Variants in NUDCD1 observed in about 807,000 individuals in gnomAD.
NUDCD1 encodes the protein nudC domain-containing protein 1.
A neutral mutation model predicts 67.8 loss-of-function variants in NUDCD1; 60 were observed. The observed-to-expected ratio is 0.88, with a 90% confidence interval of 0.72 to 1.10. NUDCD1 has a LOEUF of 1.10. Among genes scored for constraint, NUDCD1 ranks in the 50% least tolerant of loss-of-function variants. The pLI is 0.00. For missense variants in NUDCD1, 643 were observed against 695.0 expected, an observed-to-expected ratio of 0.93 and a Z score of 0.84; for synonymous variants, 244 against 230.8, an observed-to-expected ratio of 1.06 and a Z score of -0.52.
chr8:109,295,288 C>T (rs1260940994), intron 3 of NUDCD1, among the ~76,000 whole-genome samples: 2 of 152,122 alleles, frequency 1.3e-5, no homozygotes, highest in African/African-American at 4.8e-5. Flanking sequence ...ACTCATATCT[C>T]TCCTGCGCAT....
chr8:109,333,372 A>G (rs1815860899), intron 1 of NUDCD1, among the ~76,000 whole-genome samples: 2 of 152,194 alleles, frequency 1.3e-5, no homozygotes, highest in South Asian at 2.1e-4. Context: ...TATCTTCTAG[A>G]GATGTTCTCT....
intron 7 of NUDCD1, among the ~76,000 whole-genome samples, chr8:109,271,743 A>C (rs948558542): frequency 1.3e-5 from 2 of 152,170 alleles, no homozygotes; most frequent in African/African-American, 4.8e-5. Context: ...ATTATAATTA[A>C]ATTTCTGAAA....
intron 1 of NUDCD1, among the ~76,000 whole-genome samples, chr8:109,325,078 A>G (rs1815644409): frequency 6.6e-6 from 1 of 152,120 alleles, no homozygotes; most frequent in Non-Finnish European, 1.5e-5. Flanking sequence ...ACAGAGTGAG[A>G]CTTCATCTCA....
intron 1 of NUDCD1, among the ~76,000 whole-genome samples, chr8:109,324,802 C>T (rs763546695): frequency 6.6e-6 from 1 of 152,116 alleles, no homozygotes; most frequent in African/African-American, 2.4e-5. Context: ...AAACCAGGCA[C>T]AAGGCCGGGC....
At chr8:109,247,888 G>A (rs138412216) in intron 8 of NUDCD1, among the ~76,000 whole-genome samples, 14 of 151,796 alleles carry the variant, frequency 9.2e-5, no homozygotes, top group African/African-American at 1.4e-4. Context: ...GATGAATAAC[G>A]TCCCCCAAAG....
At chr8:109,324,026 G>A (rs890942401) in intron 1 of NUDCD1, among the ~76,000 whole-genome samples, 3 of 151,834 alleles carry the variant, frequency 2.0e-5, no homozygotes, top group African/African-American at 7.3e-5. Context: ...AAAAGCATAG[G>A]CAAGAAAAAC....
chr8:109,285,966 A>C (rs1476579504), intron 5 of NUDCD1, among the ~76,000 whole-genome samples: 4 of 152,136 alleles, frequency 2.6e-5, no homozygotes, highest in Non-Finnish European at 5.9e-5. Context: ...ATACAAAATC[A>C]ATGTATGAAA....
intron 5 of NUDCD1, among the ~76,000 whole-genome samples, chr8:109,288,104 C>T (rs1447100590): frequency 6.6e-6 from 1 of 152,092 alleles, no homozygotes; most frequent in African/African-American, 2.4e-5. Context: ...CCAAACTACC[C>T]ATAATTTTTA....
At chr8:109,333,085 C>G (rs1563689408) in intron 1 of NUDCD1, among the ~76,000 whole-genome samples, 1 of 152,308 alleles carries the variant, frequency 6.6e-6, no homozygotes, top group East Asian at 1.9e-4. Flanking sequence ...AAAACAGGTA[C>G]TCGGTAAATA....
chr8:109,271,859 T>G (rs1164725301), intron 7 of NUDCD1, among the ~76,000 whole-genome samples: 1 of 152,078 alleles, frequency 6.6e-6, no homozygotes, highest in Non-Finnish European at 1.5e-5. Flanking sequence ...AGAAACTATG[T>G]AGGCCGGAAT....
At chr8:109,307,550 A>C (rs997287456) in intron 2 of NUDCD1, among the ~76,000 whole-genome samples, 2 of 152,188 alleles carry the variant, frequency 1.3e-5, no homozygotes, top group African/African-American at 2.4e-5. Context: ...AGCATAAATC[A>C]CACAGGACCT....
chr8:109,293,294 T>C (rs538851930), intron 4 of NUDCD1, 50 bp downstream of exon 4: 7 of 984,902 alleles, frequency 7.1e-6, no homozygotes, highest in Non-Finnish European at 1.0e-5. Flanking sequence ...TGTTTCAAAA[T>C]CTACTAAATA....
intron 5 of NUDCD1, among the ~76,000 whole-genome samples, chr8:109,282,078 G>C (rs890956906): frequency 6.6e-6 from 1 of 152,162 alleles, no homozygotes; most frequent in African/African-American, 2.4e-5. Context: ...TGGGCATTTA[G>C]TGGCTGCCAG....
chr8:109,313,539 A>C (rs140750487), intron 2 of NUDCD1, among the ~76,000 whole-genome samples: 3,747 of 152,220 alleles, frequency 0.025, 68 homozygotes, highest in Middle Eastern at 0.058. Flanking sequence ...TTTTGCTTCA[A>C]ATACATTACT....
At chr8:109,327,965 C>T (rs1815717185) in intron 1 of NUDCD1, among the ~76,000 whole-genome samples, 1 of 152,136 alleles carries the variant, frequency 6.6e-6, no homozygotes, top group African/African-American at 2.4e-5. Flanking sequence ...CTCTATTATT[C>T]TACAGAAAAT....
chr8:109,281,451 C>G (rs565321296), intron 5 of NUDCD1, among the ~76,000 whole-genome samples: 18 of 152,238 alleles, frequency 1.2e-4, no homozygotes, highest in African/African-American at 4.1e-4. Flanking sequence ...TCTTCCCTCT[C>G]TCCCTCCCTT....
At chr8:109,244,664 G>C (rs571285717) in intron 9 of NUDCD1, among the ~76,000 whole-genome samples, 136 of 152,128 alleles carry the variant, frequency 8.9e-4, no homozygotes, top group Middle Eastern at 3.4e-3. Context: ...TTTCAATAAA[G>C]CAACAACTGT....
In NUDCD1 at chr8:109,267,143, G is replaced by A. The variant is rs117411101; in HGVS notation, c.1299+3862C>T. Among the ~76,000 whole-genome samples, 864 of 152,176 alleles carry A rather than the reference G, an allele frequency of 5.7e-3. 7 individuals carry two copies. Among genetic ancestry groups the A allele is most frequent in the Non-Finnish European group, 8.9e-3 (604 of 68,002 alleles). On this transcript the variant is annotated intron_variant, in intron 8 of 9. Transcript: ENST00000239690. Reference sequence around the variant, plus strand: ...AACGCTTATAATTTTTAAATTTTATGTTCAGGGGTACTTGTGCAAGTTTGC... The same window carrying A: ...AACGCTTATAATTTTTAAATTTTATATTCAGGGGTACTTGTGCAAGTTTGC...
At chr8:109,262,809 A>T (rs1044991326) in intron 8 of NUDCD1, among the ~76,000 whole-genome samples, 1 of 151,974 alleles carries the variant, frequency 6.6e-6, no homozygotes, top group South Asian at 2.1e-4. Flanking sequence ...TAATCCTAGC[A>T]CTTTGGGAGA....
Sources: allele counts gnomAD v4.1 joint callset (sites outside exome capture counted in the v4.1 genomes callset), GRCh38; gene constraint gnomAD v4.1.1; transcripts MANE v1.5; gene names NCBI Gene and HGNC (gene_info 2026-07-23, HGNC 2026-07-21).